Variants in TENT4B observed in about 807,000 individuals in gnomAD.
TENT4B encodes terminal nucleotidyltransferase 4B, also known as PAP associated domain containing 5.
A neutral mutation model predicts 75.0 loss-of-function variants in TENT4B; 10 were observed. That is an observed-to-expected ratio of 0.13 (90% CI 0.08 to 0.23). The LOEUF (loss-of-function observed/expected upper bound fraction) is 0.23. Among genes scored for constraint, TENT4B ranks in the 10% least tolerant of loss-of-function variants. TENT4B has a pLI of 1.00. For missense variants in TENT4B, 579 were observed against 893.8 expected (o/e 0.65, Z 4.49); for synonymous variants, 350 against 357.7 (o/e 0.98, Z 0.24).
chr16:50,227,116 T>C (rs1168448938), intron 10 of TENT4B, among the ~76,000 whole-genome samples: 2 of 152,262 alleles, frequency 1.3e-5, no homozygotes, highest in Admixed American at 1.3e-4. Flanking sequence ...CTAAATATTG[T>C]ATGTTGTTGA....
At chr16:50,165,995 C>G (rs1018370439) in intron 1 of TENT4B, among the ~76,000 whole-genome samples, 1 of 151,508 alleles carries the variant, frequency 6.6e-6, no homozygotes, top group African/African-American at 2.4e-5. Context: ...GAGGAACTGC[C>G]AAATTATTTT....
At position 50,227,883 on chromosome 16, in the gene TENT4B, C is replaced by T; in HGVS notation, c.1845C>T (p.Cys615=). The change falls in exon 11 of 12, where the codon TGC becomes TGT. Residue 615 remains cysteine (C), a synonymous_variant. Coordinates refer to ENST00000561678, the MANE Select transcript of TENT4B (RefSeq NM_001365324.3). The part of the protein sequence containing the change: ...TPCKTPKQLL[C]RPSTGNRVGS... ...GCAAAACCCCGAAACAGCTGCTTTG[C>T]CGTCCGTCCACTGGGAACCGAGTAG... The T allele has an allele frequency of 6.2e-7, 1 of 1,614,006 alleles. No individual in the cohort carries two copies. The highest frequency in any genetic ancestry group is 8.5e-7 in the Non-Finnish European group (1 of 1,179,902).
At position 50,228,485 on chromosome 16, in the gene TENT4B, T is replaced by C. The variant is rs556483431; in HGVS notation, c.1965+482T>C. On this transcript the variant is annotated intron_variant, in intron 11 of 11. Transcript: ENST00000561678. ...CAGAGATACTCTAGTTTAAGTTTTT[T>C]TGTTGCCTAGAATTGTCATTAACTG... Among the ~76,000 whole-genome samples the C allele has an allele frequency of 1.9e-3, 287 of 152,318 alleles. 2 individuals are homozygous for C. Among genetic ancestry groups the C allele is most frequent in the African/African-American group, 6.5e-3 (272 of 41,566 alleles).
intron 1 of TENT4B, among the ~76,000 whole-genome samples, chr16:50,174,108 C>CT (rs1489782470): frequency 2.0e-5 from 3 of 151,958 alleles, no homozygotes; most frequent in South Asian, 4.2e-4. Context: ...TTTTTGTTTG[C>CT]TTTTTTTGAG....
chr16:50,216,398 C>T (rs2031555200), intron 4 of TENT4B, among the ~76,000 whole-genome samples: 1 of 152,202 alleles, frequency 6.6e-6, no homozygotes. Context: ...ACAACCTGTG[C>T]CTCCTCGGCT....
chr16:50,159,538 CCT>C (rs1482464363), intron 1 of TENT4B, among the ~76,000 whole-genome samples: 3 of 152,136 alleles, frequency 2.0e-5, no homozygotes, highest in South Asian at 2.1e-4. Flanking sequence ...CCGCGCCCGG[CCT>C]CTCTCTGCTT....
At position 50,154,185 on chromosome 16, in the gene TENT4B, C is replaced by A; in HGVS notation, c.564C>A (p.Gly188=). The change falls in exon 1 of 12, where the codon GGC becomes GGA. Residue 188 remains glycine (G), a synonymous_variant. Coordinates refer to ENST00000561678, the MANE Select transcript of TENT4B (RefSeq NM_001365324.3). ...QPSGGRAAGG[G]RADGGGVVYS... is the part of the protein sequence containing the mutation. ...GCGGAGGGCGGGCCGCGGGGGGCGG[C>A]CGAGCAGACGGCGGCGGGGTCGTGT... 6.6e-7 allele frequency: 1 copy of A among 1,506,524 alleles called. No individual in the cohort carries two copies. Among genetic ancestry groups the A allele is most frequent in the Non-Finnish European group, 8.8e-7 (1 of 1,135,376 alleles). The allele number at this position is 1,506,524 out of a possible 1,614,324, so 93.3% of individuals were successfully genotyped here. A position where few individuals can be genotyped will look rare whatever the true frequency, so the allele number is the denominator to read the frequency against.
chr16:50,158,284 A>C (rs532617800), intron 1 of TENT4B, among the ~76,000 whole-genome samples: 358 of 151,652 alleles, frequency 2.4e-3, no homozygotes, highest in African/African-American at 8.1e-3. Context: ...ATGGGGTCTC[A>C]CCATGTTGGC....
chr16:50,203,721 C>A (rs532042138), intron 1 of TENT4B, among the ~76,000 whole-genome samples: 1 of 152,298 alleles, frequency 6.6e-6, no homozygotes, highest in South Asian at 2.1e-4. Flanking sequence ...TTTTAAGGAA[C>A]ATCATGTCCC....
rs2037832585 is a variant in TENT4B, at chr16:50,153,946, A to G, written c.325A>G (p.Thr109Ala). The change falls in exon 1 of 12, where the codon ACC becomes GCC. Residue 109 changes from threonine to alanine, a missense_variant. By Grantham distance (58) the Thr-to-Ala change is moderately conservative. This residue lies in a region of TENT4B where 253 missense variants were observed against 270.1 expected (regional missense o/e 0.94). Coordinates refer to ENST00000561678, the MANE Select transcript of TENT4B (RefSeq NM_001365324.3). ...GCGGGACTTCCTGCCCCTAGAGACG[A>G]CCAACAACAACAACAACCACCACCA... ...EQRDFLPLET[T>A]NNNNNHHQPG... The G allele has an allele frequency of 6.5e-7, 1 of 1,533,592 alleles. No individual in the cohort carries two copies. Among genetic ancestry groups the G allele is most frequent in the Non-Finnish European group, 8.7e-7 (1 of 1,145,948 alleles). The allele number at this position is 1,533,592 out of a possible 1,614,324, so 95.0% of individuals were successfully genotyped here. A position where few individuals can be genotyped will look rare whatever the true frequency, so the allele number is the denominator to read the frequency against.
chr16:50,199,473 A>G (rs1285838905), intron 1 of TENT4B, among the ~76,000 whole-genome samples: 2 of 152,248 alleles, frequency 1.3e-5, no homozygotes, highest in Admixed American at 6.5e-5. Flanking sequence ...GGAACATTCA[A>G]TAAAGGGTGC....
Position 50,217,556 on chromosome 16 carries a change from G to A in TENT4B, c.931G>A (p.Val311Ile). Residue 311 changes from valine to isoleucine, a missense_variant and splice_region_variant, in exon 5 of 12, where the codon GTA becomes ATA. Val to Ile is a conservative substitution (Grantham distance 29). This residue lies in a region of TENT4B where 55 missense variants were observed against 77.1 expected (regional missense o/e 0.71). Coordinates refer to ENST00000561678, the MANE Select transcript of TENT4B (RefSeq NM_001365324.3). ...CATTTTACCTTTCTTCTCTTTATAG[G>A]TACCTATTATTAAATTAACAGATTC... is the stretch of plus-strand genomic sequence containing the variant. ...DSVKVLDKAT[V>I]PIIKLTDSFT... 2 of 1,419,160 alleles carry A rather than the reference G, an allele frequency of 1.4e-6. No individual in the cohort carries two copies. Among genetic ancestry groups the A allele is most frequent in the Non-Finnish European group, 1.9e-6 (2 of 1,051,452 alleles). 87.9% of individuals were successfully genotyped at this position (1,419,160 alleles called of 1,614,324 possible). A position where few individuals can be genotyped will look rare whatever the true frequency, so the allele number is the denominator to read the frequency against.
In TENT4B at chr16:50,187,946, A is replaced by T. The variant is rs191240631; in HGVS notation, c.639-23377A>T. On this transcript the variant is annotated intron_variant, in intron 1 of 11. Coordinates refer to ENST00000561678, the MANE Select transcript of TENT4B (RefSeq NM_001365324.3). ...GCATTCTTTTCTTTCTTTATTTTTT[A>T]AAAATTGAGACAGCAGCTTACTCTG... Among the ~76,000 whole-genome samples the T allele has an allele frequency of 1.4e-4, 22 of 152,190 alleles. No individual in the cohort carries two copies. In the East Asian group the frequency reaches 1.7e-3, roughly 12 times the overall value.
At chr16:50,166,441 A>G (rs929114591) in intron 1 of TENT4B, among the ~76,000 whole-genome samples, 25 of 152,272 alleles carry the variant, frequency 1.6e-4, no homozygotes, top group Admixed American at 1.5e-3. Flanking sequence ...GGTATGAAGT[A>G]AGTGTGTCAT....
intron 2 of TENT4B, 135 bp from the exon 3 acceptor site, chr16:50,214,085 GA>G (rs1452433078): frequency 4.6e-6 from 3 of 653,484 alleles, no homozygotes; most frequent in Non-Finnish European, 5.4e-6. Flanking sequence ...CTTGGGGTTA[GA>G]AAAAAATGCT....
intron 11 of TENT4B, 59 bp downstream of exon 11, chr16:50,228,062 C>T: frequency 6.5e-7 from 1 of 1,549,146 alleles, no homozygotes; most frequent in Non-Finnish European, 8.8e-7. Flanking sequence ...TAGAATTTCC[C>T]ACATGTAAAT....
rs779317946 is a variant in TENT4B at position 50,230,384 on chromosome 16, G to T, written c.*1056G>T. On this transcript the variant is annotated 3_prime_UTR_variant, in exon 12 of 12. Transcript: ENST00000561678. ...CGAGTTCCACAGACTTTGCATGCTGGCTTCTCTAACCCTGTGTGCTGCGTG... is the reference window on the plus strand; with the variant it reads ...CGAGTTCCACAGACTTTGCATGCTGTCTTCTCTAACCCTGTGTGCTGCGTG... The T allele has an allele frequency of 8.0e-5, 79 of 984,656 alleles. No homozygotes were observed. Among genetic ancestry groups the T allele is most frequent in the Non-Finnish European group, 9.0e-5 (75 of 829,828 alleles). 61.0% of individuals were successfully genotyped at this position (984,656 alleles called of 1,614,324 possible). A position where few individuals can be genotyped will look rare whatever the true frequency, so the allele number is the denominator to read the frequency against.
intron 2 of TENT4B, among the ~76,000 whole-genome samples, chr16:50,212,643 T>C (rs956993589): frequency 1.1e-4 from 16 of 152,196 alleles, no homozygotes; most frequent in African/African-American, 3.9e-4. Flanking sequence ...TAATGTTTTA[T>C]GAGCAATGAC....
At chr16:50,163,590 G>A (rs1295316627) in intron 1 of TENT4B, among the ~76,000 whole-genome samples, 2 of 150,790 alleles carry the variant, frequency 1.3e-5, no homozygotes, top group South Asian at 2.1e-4. Context: ...TAGTAGAGAC[G>A]GGGTTTCACT....
Sources: gnomAD v4.1 joint callset for allele counts (sites outside exome capture counted in the v4.1 genomes callset) on GRCh38, gnomAD v4.1.1 for gene constraint, gnomAD v4.1.1 regional missense constraint, MANE v1.5 for transcripts, NCBI Gene and HGNC (gene_info 2026-07-23, HGNC 2026-07-21) for gene names.